C9: variants seen among roughly 807,000 people sequenced by gnomAD.
The protein encoded by C9 is complement component C9.
Under a neutral mutation model 65.4 loss-of-function variants are expected in C9, and 63 were observed. That is an observed-to-expected ratio of 0.96 (90% CI 0.79 to 1.19). C9 has a LOEUF of 1.19. Ranked by LOEUF, C9 falls within the 50% of genes most tolerant of loss-of-function variation. C9 has a pLI of 0.00. For missense variants in C9, 744 were observed against 670.1 expected (o/e 1.11, Z -1.22); for synonymous variants, 229 against 227.9 (o/e 1.00, Z -0.04).
intron 5 of C9, among the ~76,000 whole-genome samples, 175 bp from the exon 6 acceptor site, chr5:39,316,204 T>A (rs1753567410): frequency 1.3e-5 from 2 of 152,196 alleles, no homozygotes; most frequent in South Asian, 4.1e-4. Flanking sequence ...TCTGTCACTT[T>A]GAAGTGATTA....
At chr5:39,341,425 A>T in intron 3 of C9, 131 bp downstream of exon 3, 1 of 1,415,642 alleles carries the variant, frequency 7.1e-7, no homozygotes, top group Non-Finnish European at 1.0e-6. Context: ...TGTACAGAAT[A>T]TATAGATGGC....
intron 5 of C9, among the ~76,000 whole-genome samples, chr5:39,325,515 C>T (rs1362900161): frequency 6.6e-6 from 1 of 152,146 alleles, no homozygotes; most frequent in Non-Finnish European, 1.5e-5. Context: ...TTGCTCACGC[C>T]TGTAATCCTA....
chr5:39,308,396 T>A (rs376074747), intron 7 of C9, 38 bp from the exon 8 acceptor site: 9 of 1,472,984 alleles, frequency 6.1e-6, no homozygotes, highest in Non-Finnish European at 7.6e-6. Context: ...TTAGATAATG[T>A]CTACCAACAT....
intron 10 of C9, among the ~76,000 whole-genome samples, chr5:39,287,829 C>A (rs1009330107): frequency 6.6e-6 from 1 of 151,614 alleles, no homozygotes; most frequent in Non-Finnish European, 1.5e-5. Flanking sequence ...CCAAAAATGG[C>A]GAGGATGGGA....
At chr5:39,359,088 A>ATATGTGTG (rs1561357802) in intron 1 of C9, among the ~76,000 whole-genome samples, 1 of 109,292 alleles carries the variant, frequency 9.1e-6, no homozygotes, top group Non-Finnish European at 1.9e-5. Context: ...GTATATATAT[A>ATATGTGTG]TGTGTGTGTG....
intron 5 of C9, among the ~76,000 whole-genome samples, chr5:39,328,419 T>G (rs1753788414): frequency 6.6e-6 from 1 of 152,192 alleles, no homozygotes; most frequent in Non-Finnish European, 1.5e-5. Flanking sequence ...TACTGAACAA[T>G]GTGGAGGACT....
At chr5:39,362,628 G>A (rs905351259) in intron 1 of C9, among the ~76,000 whole-genome samples, 1 of 152,148 alleles carries the variant, frequency 6.6e-6, no homozygotes, top group Admixed American at 6.5e-5. Context: ...AGGGAAGCGA[G>A]GTACAGAGAG....
At chr5:39,358,770 G>A (rs1262196403) in intron 1 of C9, among the ~76,000 whole-genome samples, 2 of 151,910 alleles carry the variant, frequency 1.3e-5, no homozygotes, top group African/African-American at 2.4e-5. Flanking sequence ...TGGATCATGA[G>A]GTAAGGAGAT....
rs200511324 is a variant in C9, at chr5:39,311,319, T to C, written c.929A>G (p.Asn310Ser). The C allele has an allele frequency of 4.2e-4, 678 of 1,612,072 alleles. 1 individual carries two copies. Among genetic ancestry groups the C allele is most frequent in the Non-Finnish European group, 2.4e-5 (28 of 1,178,340 alleles). The change falls in exon 7 of 11, where the codon AAT (asparagine) becomes AGT (serine). Residue 310 changes from asparagine to serine, a missense_variant. Coordinates refer to ENST00000263408, the MANE Select transcript of C9 (RefSeq NM_001737.5). ...AGTTGTTGTGAGCACAACATCGCGATTTCTCATTACAAATCTTCCCAGATG... is the reference window on the plus strand; with the variant it reads ...AGTTGTTGTGAGCACAACATCGCGACTTCTCATTACAAATCTTCCCAGATG... ...EIHLGRFVMRNRDVVLTTTFV... is the reference protein window; with the variant it reads ...EIHLGRFVMRSRDVVLTTTFV...
intron 1 of C9, among the ~76,000 whole-genome samples, chr5:39,348,935 A>G (rs1579877620): frequency 7.1e-6 from 1 of 140,490 alleles, no homozygotes; most frequent in African/African-American, 2.6e-5. Flanking sequence ...AAAACCAAAC[A>G]TTGCATGTTC....
intron 4 of C9, among the ~76,000 whole-genome samples, chr5:39,333,757 G>A (rs371938079): frequency 1.6e-4 from 25 of 151,922 alleles, no homozygotes; most frequent in African/African-American, 2.4e-4. Context: ...GATTGCAGGC[G>A]CGCACCGCCA....
intron 5 of C9, among the ~76,000 whole-genome samples, chr5:39,323,831 G>A (rs962634858): frequency 6.6e-6 from 1 of 151,908 alleles, no homozygotes; most frequent in Non-Finnish European, 1.5e-5. Context: ...GCAAAAGAAA[G>A]AGATAAAAGG....
intron 8 of C9, among the ~76,000 whole-genome samples, chr5:39,307,429 G>A (rs1579847341): frequency 6.6e-6 from 1 of 152,120 alleles, no homozygotes; most frequent in East Asian, 1.9e-4. Flanking sequence ...TGACTAGTCA[G>A]AGATCACACA....
intron 5 of C9, among the ~76,000 whole-genome samples, chr5:39,323,430 A>G (rs1009691805): frequency 2.0e-5 from 3 of 151,456 alleles, no homozygotes; most frequent in Admixed American, 6.6e-5. Flanking sequence ...TAAAATATAA[A>G]CAAACTAAAT....
chr5:39,341,474 C>G, intron 3 of C9, 82 bp downstream of exon 3: 1 of 1,534,924 alleles, frequency 6.5e-7, no homozygotes, highest in Non-Finnish European at 9.0e-7. Flanking sequence ...TCCAAGTGTC[C>G]AGAAGCATAT....
chr5:39,315,962 A>G lies in C9; in HGVS notation c.683T>C (p.Ile228Thr). The change falls in exon 6 of 11, where the codon ATC (isoleucine) becomes ACC (threonine). Residue 228 changes from isoleucine (I) to threonine (T), a missense_variant. Ile to Thr is a moderately conservative substitution (Grantham distance 89, BLOSUM62 -1). Transcript: ENST00000263408. ...EEQIEAFKSI[I>T]QEKTSNFNAA... ...ATTAAAATTTGATGTCTTCTCTTGGATGATACTTTTAAATGCTTCAATTTG... is the reference window on the plus strand; with the variant it reads ...ATTAAAATTTGATGTCTTCTCTTGGGTGATACTTTTAAATGCTTCAATTTG... The G allele has an allele frequency of 6.2e-7, 1 of 1,610,726 alleles. No homozygotes were observed. Among genetic ancestry groups the G allele is most frequent in the Non-Finnish European group, 8.5e-7 (1 of 1,177,298 alleles).
At chr5:39,345,303 G>A (rs546889284) in intron 1 of C9, among the ~76,000 whole-genome samples, 1 of 152,254 alleles carries the variant, frequency 6.6e-6, no homozygotes, top group Admixed American at 6.5e-5. Flanking sequence ...ACACACATAG[G>A]CTCAAAGTAA....
chr5:39,337,551 C>T (rs180731358), intron 4 of C9, among the ~76,000 whole-genome samples: 23 of 152,356 alleles, frequency 1.5e-4, no homozygotes, highest in Admixed American at 1.4e-3. Flanking sequence ...CTTATAGATG[C>T]CTGCTTTCAC....
At chr5:39,363,543 A>G (rs1014107115) in intron 1 of C9, among the ~76,000 whole-genome samples, 2 of 152,144 alleles carry the variant, frequency 1.3e-5, no homozygotes, top group African/African-American at 2.4e-5. Flanking sequence ...TTGGGCAGAC[A>G]TTTCCCCCCA....
Sources: allele counts gnomAD v4.1 joint callset (sites outside exome capture counted in the v4.1 genomes callset), GRCh38; gene constraint gnomAD v4.1.1; transcripts MANE v1.5; gene names NCBI Gene and HGNC (gene_info 2026-07-23, HGNC 2026-07-21).